The following AGBL1 variants were observed in gnomAD, a reference collection of about 807,000 sequenced individuals.
AGBL1 encodes the protein AGBL carboxypeptidase 1.
In AGBL1, 130 loss-of-function variants were observed where a neutral mutation model predicts 118.9. The ratio of observed to expected loss-of-function variants is 1.09; its 90% CI spans 0.95 to 1.26. The LOEUF (loss-of-function observed/expected upper bound fraction) is 1.26, where lower values mean the gene tolerates loss of function less well. AGBL1 is among the 50% of genes most tolerant of loss of function. AGBL1 has a pLI of 0.00. For missense variants in AGBL1, 1,584 were observed against 1,298.1 expected (o/e 1.22, Z -3.38); for synonymous variants, 555 against 478.9 (o/e 1.16, Z -2.08).
intron 22 of AGBL1, among the ~76,000 whole-genome samples, chr15:86,730,723 G>C (rs147088107): frequency 2.0e-5 from 3 of 152,142 alleles, no homozygotes; most frequent in Non-Finnish European, 2.9e-5. Context: ...GAATGCATGG[G>C]AATGGACTTT....
chr15:86,495,401 A>T (rs893910094), intron 18 of AGBL1, among the ~76,000 whole-genome samples: 2 of 150,074 alleles, frequency 1.3e-5, no homozygotes, highest in Non-Finnish European at 3.0e-5. Context: ...CTTTTTTTTA[A>T]AAAAAAAACC....
chr15:86,357,978 A>C (rs1232535715), intron 17 of AGBL1, among the ~76,000 whole-genome samples: 1 of 152,130 alleles, frequency 6.6e-6, no homozygotes, highest in African/African-American at 2.4e-5. Context: ...TGATTTCCAC[A>C]ATTAAGCTAA....
intron 22 of AGBL1, among the ~76,000 whole-genome samples, chr15:86,767,125 A>G (rs2078107458): frequency 6.6e-6 from 1 of 152,024 alleles, no homozygotes; most frequent in African/African-American, 2.4e-5. Flanking sequence ...CTTTTAAAAA[A>G]CATGATTAGC....
chr15:86,651,706 A>G (rs559027149), intron 21 of AGBL1, among the ~76,000 whole-genome samples: 2 of 152,226 alleles, frequency 1.3e-5, no homozygotes, highest in Admixed American at 6.5e-5. Flanking sequence ...CCCTCCATAG[A>G]TTGCTAATAA....
intron 22 of AGBL1, among the ~76,000 whole-genome samples, chr15:86,679,435 T>C (rs1164289203): frequency 1.3e-5 from 2 of 152,244 alleles, no homozygotes; most frequent in African/African-American, 2.4e-5. Context: ...TATTTATTTG[T>C]AACTTCAGTG....
chr15:86,557,782 G>C (rs2083756095), intron 21 of AGBL1, among the ~76,000 whole-genome samples: 1 of 152,002 alleles, frequency 6.6e-6, no homozygotes, highest in Non-Finnish European at 1.5e-5. Flanking sequence ...TATAAAGTAG[G>C]TATTAAAAAT....
chr15:86,153,871 C>T (rs915488244), intron 3 of AGBL1, among the ~76,000 whole-genome samples: 1 of 152,040 alleles, frequency 6.6e-6, no homozygotes, highest in African/African-American at 2.4e-5. Flanking sequence ...GCATTTTCTT[C>T]CTAAATCCTT....
At chr15:86,191,612 A>C (rs889029512) in intron 5 of AGBL1, among the ~76,000 whole-genome samples, 11 of 152,192 alleles carry the variant, frequency 7.2e-5, no homozygotes, top group Non-Finnish European at 1.5e-4. Flanking sequence ...AAAGAGAGAG[A>C]ATGCCAACCG....
At chr15:86,873,192 T>C (rs760776699) in intron 22 of AGBL1, among the ~76,000 whole-genome samples, 92 of 152,254 alleles carry the variant, frequency 6.0e-4, no homozygotes, top group Non-Finnish European at 8.4e-4. Flanking sequence ...ACAAAAGTCT[T>C]ATCTTTTGCT....
chr15:86,778,212 T>G (rs1043151699), intron 22 of AGBL1, among the ~76,000 whole-genome samples: 1 of 151,988 alleles, frequency 6.6e-6, no homozygotes. Flanking sequence ...CTTCACAAGG[T>G]AACAGAATAT....
At position 86,397,467 on chromosome 15, in the gene AGBL1, C is replaced by A; in HGVS notation, c.2476C>A (p.Pro826Thr). The A allele has an allele frequency of 1.2e-6, 2 of 1,613,010 alleles. No individual in the cohort carries two copies. Among genetic ancestry groups the A allele is most frequent in the Non-Finnish European group, 1.7e-6 (2 of 1,179,342 alleles). ...GTLEFLVSSD[P>T]VARLLRENFI... is the part of the protein sequence containing the mutation. ...CTTGGAGTTCCTGGTCAGCAGTGACCCTGTGGCTAGGCTCTTGAGGGAAAA... is the reference window on the plus strand; with the variant it reads ...CTTGGAGTTCCTGGTCAGCAGTGACACTGTGGCTAGGCTCTTGAGGGAAAA... The change falls in exon 18 of 23, where the codon CCT becomes ACT. Residue 826 changes from proline (P) to threonine (T), a missense_variant. Physicochemically the swap from Pro to Thr is conservative, Grantham distance 38. Transcript: ENST00000614907.
intron 18 of AGBL1, among the ~76,000 whole-genome samples, chr15:86,401,687 C>A (rs1424747743): frequency 2.0e-5 from 3 of 152,126 alleles, no homozygotes; most frequent in Non-Finnish European, 4.4e-5. Context: ...GTTATCCCAG[C>A]ACCATTTATT....
chr15:86,653,551 C>T (rs374827741), intron 21 of AGBL1, among the ~76,000 whole-genome samples: 1 of 152,134 alleles, frequency 6.6e-6, no homozygotes, highest in African/African-American at 2.4e-5. Flanking sequence ...ATAAACCGTG[C>T]ACTTGAGCCC....
chr15:86,222,225 C>T (rs1016548985), intron 5 of AGBL1, among the ~76,000 whole-genome samples: 74 of 152,182 alleles, frequency 4.9e-4, no homozygotes, highest in African/African-American at 1.1e-3. Context: ...ACTGTGGTTG[C>T]GTTCCTGAAT....
chr15:86,991,936 G>C (rs2081339725), intron 24 of AGBL1, among the ~76,000 whole-genome samples: 1 of 152,110 alleles, frequency 6.6e-6, no homozygotes, highest in African/African-American at 2.4e-5. Flanking sequence ...CCTATACCAG[G>C]TACATAGTAG....
intron 18 of AGBL1, among the ~76,000 whole-genome samples, chr15:86,468,407 A>G (rs2082434364): frequency 6.6e-6 from 1 of 152,156 alleles, no homozygotes; most frequent in Non-Finnish European, 1.5e-5. Context: ...CTTGGGGTGT[A>G]GTTTCCCAGA....
intron 21 of AGBL1, among the ~76,000 whole-genome samples, chr15:86,627,649 C>T (rs1455202306): frequency 1.3e-5 from 2 of 152,064 alleles, no homozygotes; most frequent in African/African-American, 4.8e-5. Flanking sequence ...ACAAATGGAA[C>T]ATTGGGAAGA....
At chr15:86,210,445 G>C (rs981236346) in intron 5 of AGBL1, among the ~76,000 whole-genome samples, 1 of 152,090 alleles carries the variant, frequency 6.6e-6, no homozygotes, top group Non-Finnish European at 1.5e-5. Context: ...GTCACTTTCA[G>C]GTACACCAAT....
At chr15:86,800,006 CTTT>C (rs2078627968) in intron 22 of AGBL1, among the ~76,000 whole-genome samples, 1 of 152,052 alleles carries the variant, frequency 6.6e-6, no homozygotes. Context: ...TAGCAAGTCC[CTTT>C]TGAGAGCGTC....
Sources: allele counts gnomAD v4.1 joint callset (sites outside exome capture counted in the v4.1 genomes callset), GRCh38; gene constraint gnomAD v4.1.1; transcripts MANE v1.5; gene names NCBI Gene and HGNC (gene_info 2026-07-23, HGNC 2026-07-21).